The following CCDC93 variants were observed in gnomAD, a reference collection of about 807,000 sequenced individuals.
The protein encoded by CCDC93 is CCC complex scaffolding subunit CCDC93, also known as coiled-coil domain-containing protein 93.
A neutral mutation model predicts 108.2 loss-of-function variants in CCDC93; 61 were observed. That is an observed-to-expected ratio of 0.56 (90% CI 0.46 to 0.70). CCDC93 has a LOEUF of 0.70. Ranked by LOEUF, CCDC93 falls within the 30% of genes least tolerant of loss-of-function variation. The pLI is 0.00. For synonymous variants in CCDC93, 276 were observed against 260.4 expected, an observed-to-expected ratio of 1.06 and a Z score of -0.58; for missense variants, 685 against 764.2, an observed-to-expected ratio of 0.90 and a Z score of 1.22.
At chr2:117,984,930 A>G (rs774703127) in intron 7 of CCDC93, among the ~76,000 whole-genome samples, 3 of 152,146 alleles carry the variant, frequency 2.0e-5, no homozygotes, top group Non-Finnish European at 4.4e-5. Context: ...TTAAATTCTT[A>G]ATAATTAATC....
intron 18 of CCDC93, among the ~76,000 whole-genome samples, chr2:117,941,811 G>A (rs1678710166): frequency 6.6e-6 from 1 of 152,204 alleles, no homozygotes; most frequent in African/African-American, 2.4e-5. Context: ...CTGCCCTACT[G>A]ACCGGGTCTG....
intron 7 of CCDC93, among the ~76,000 whole-genome samples, chr2:117,980,597 C>T (rs1367324996): frequency 6.6e-6 from 1 of 152,160 alleles, no homozygotes; most frequent in African/African-American, 2.4e-5. Flanking sequence ...GTATGGTGAA[C>T]ATAATTATCC....
chr2:117,957,134 C>A (rs1387055007), intron 12 of CCDC93, among the ~76,000 whole-genome samples: 1 of 152,100 alleles, frequency 6.6e-6, no homozygotes, highest in African/African-American at 2.4e-5. Context: ...AAGTGATCTG[C>A]CCCTCCTCAG....
rs898456701 is a variant in CCDC93 at position 117,918,582 on chromosome 2, G to A, written c.*1761C>T. On this transcript the variant is annotated 3_prime_UTR_variant, in exon 24 of 24. Transcript: ENST00000376300. ...CACAAAGTTCAGTTAGCCAGGGGTG[G>A]GCCTACAAGCTGCTTAACAAGACAA... 6.6e-6 allele frequency: 1 copy of A among 152,280 alleles called. No homozygotes were observed. Among genetic ancestry groups the A allele is most frequent in the South Asian group, 2.1e-4 (1 of 4,832 alleles). The allele number at this position is 152,280 out of a possible 1,614,324, so 9.4% of individuals were successfully genotyped here.
At chr2:117,967,248 C>A (rs1573496823) in intron 11 of CCDC93, among the ~76,000 whole-genome samples, 1 of 152,352 alleles carries the variant, frequency 6.6e-6, no homozygotes, top group South Asian at 2.1e-4. Context: ...CTGCCTCAGC[C>A]TTCCAAAGTG....
intron 11 of CCDC93, among the ~76,000 whole-genome samples, chr2:117,973,077 G>C (rs1317192688): frequency 6.6e-6 from 1 of 152,152 alleles, no homozygotes; most frequent in African/African-American, 2.4e-5. Flanking sequence ...CAAAAGTCTT[G>C]GGGGTGTTAT....
intron 1 of CCDC93, chr2:118,012,524 T>C (rs1057448557): frequency 2.6e-5 from 4 of 152,142 alleles, no homozygotes; most frequent in African/African-American, 9.7e-5. Context: ...CTGTGGAATA[T>C]TGGGTTGGAC....
chr2:117,967,948 G>A lies in CCDC93; in HGVS notation c.888+5960C>T, dbSNP rs974766284. Reference sequence around the variant, plus strand: ...ATAATTTTTTAGAATTAAAAAATAAGAACTAAATGAGATAATGGTACACAA... The same window carrying A: ...ATAATTTTTTAGAATTAAAAAATAAAAACTAAATGAGATAATGGTACACAA... On this transcript the variant is annotated intron_variant, in intron 11 of 23. Coordinates refer to ENST00000376300, the MANE Select transcript of CCDC93 (RefSeq NM_019044.5). Among the ~76,000 whole-genome samples the A allele has an allele frequency of 1.6e-4, 25 of 152,108 alleles. 1 individual carries two copies. Among genetic ancestry groups the A allele is most frequent in the Admixed American group, 1.0e-3 (16 of 15,282 alleles).
chr2:117,928,689 G>C (rs1678213038), intron 23 of CCDC93, among the ~76,000 whole-genome samples: 1 of 152,192 alleles, frequency 6.6e-6, no homozygotes, highest in African/African-American at 2.4e-5. Context: ...AACCATTGTG[G>C]AAGTCAGTGT....
chr2:118,006,949 A>T (rs1676887829), intron 2 of CCDC93, 133 bp from the exon 3 acceptor site: 8 of 573,442 alleles, frequency 1.4e-5, no homozygotes, highest in Non-Finnish European at 3.2e-6. Context: ...TGAGAGAGAG[A>T]GTGTGTGTCC....
chr2:117,985,510 G>A (rs1285103132), intron 7 of CCDC93: 3 of 657,080 alleles, frequency 4.6e-6, no homozygotes, highest in African/African-American at 2.1e-5. Context: ...TAAAAACTAA[G>A]GATATAAAAT....
chr2:117,956,667 C>T lies in CCDC93; in HGVS notation c.1005+1698G>A, dbSNP rs553621051. Among the ~76,000 whole-genome samples the T allele has an allele frequency of 3.3e-5, 5 of 152,272 alleles. No individual in the cohort carries two copies. In the South Asian group the frequency reaches 6.2e-4, roughly 19 times the overall value. On this transcript the variant is annotated intron_variant, in intron 12 of 23. Coordinates refer to ENST00000376300, the MANE Select transcript of CCDC93 (RefSeq NM_019044.5). ...TTGACAACTCATTAAAATGTCTAAA[C>T]AAATAACTGAACAGAAACCAAATCA...
chr2:117,976,542 TTAATAA>T (rs777862291), intron 8 of CCDC93, among the ~76,000 whole-genome samples: 3 of 152,204 alleles, frequency 2.0e-5, no homozygotes, highest in Non-Finnish European at 4.4e-5. Flanking sequence ...AATACTGATA[TTAATAA>T]TAATGTTTAT....
At chr2:118,005,726 T>C (rs1269634835) in intron 3 of CCDC93, among the ~76,000 whole-genome samples, 1 of 132,178 alleles carries the variant, frequency 7.6e-6, no homozygotes, top group Non-Finnish European at 1.5e-5. Context: ...CACTCCAGCA[T>C]GGGTGATAAG....
At chr2:117,940,385 A>C (rs997171785) in intron 19 of CCDC93, among the ~76,000 whole-genome samples, 1 of 152,164 alleles carries the variant, frequency 6.6e-6, no homozygotes, top group Admixed American at 6.5e-5. Context: ...GAACAGGAGG[A>C]GTCAAGGCTA....
chr2:118,006,863 A>C (rs1381638737), intron 2 of CCDC93, 47 bp from the exon 3 acceptor site: 1 of 1,194,990 alleles, frequency 8.4e-7, no homozygotes, highest in Admixed American at 1.7e-5. Flanking sequence ...TAGTTTGGGG[A>C]GAATGGAAGA....
At chr2:117,936,072 A>G (rs10490629) in intron 21 of CCDC93, among the ~76,000 whole-genome samples, 23,735 of 151,808 alleles carry the variant, frequency 0.16, 2,106 homozygotes, top group South Asian at 0.22. Flanking sequence ...CTGTAACTCA[A>G]TAAGATGTCA....
At chr2:117,986,097 G>A (rs1388849861) in intron 6 of CCDC93, 28 bp from the exon 7 acceptor site, 1 of 1,418,156 alleles carries the variant, frequency 7.1e-7, no homozygotes, top group Non-Finnish European at 9.9e-7. Context: ...CCAAGTTACT[G>A]AGTGTGAGAA....
intron 11 of CCDC93, among the ~76,000 whole-genome samples, chr2:117,962,924 T>C (rs988702833): frequency 6.6e-6 from 1 of 152,188 alleles, no homozygotes. Context: ...CAATGAGATT[T>C]TGTAACAACA....
Sources: allele counts gnomAD v4.1 joint callset (sites outside exome capture counted in the v4.1 genomes callset), GRCh38; gene constraint gnomAD v4.1.1; transcripts MANE v1.5; gene names NCBI Gene and HGNC (gene_info 2026-07-23, HGNC 2026-07-21).